Variants in CDYL observed in about 807,000 individuals in gnomAD.
CDYL encodes the protein chromodomain Y-like protein.
Under a neutral mutation model 47.3 loss-of-function variants are expected in CDYL, and 8 were observed. The ratio of observed to expected loss-of-function variants is 0.17; its 90% CI spans 0.10 to 0.31. The LOEUF (loss-of-function observed/expected upper bound fraction) is 0.31. CDYL is among the 10% of genes least tolerant of loss of function. CDYL has a pLI of 1.00. For missense variants in CDYL, 471 were observed against 701.4 expected, an observed-to-expected ratio of 0.67 and a Z score of 3.71; for synonymous variants, 266 against 265.0, an observed-to-expected ratio of 1.00 and a Z score of -0.04.
rs377026060 is a variant in CDYL at position 4,822,150 on chromosome 6, AT to A, written c.24+45353del. On this transcript the variant is annotated intron_variant, in intron 1 of 6. Transcript: ENST00000397588. ...TGCCTGGCAAATTTTTCTTTTCTTT[AT>A]TTTTTTTTTCTTTCTGTAGAGATGG... 4.7e-3 allele frequency among the ~76,000 whole-genome samples: 646 copies of A among 138,346 alleles called. 5 individuals carry two copies. The highest frequency in any genetic ancestry group is 0.017 in the African/African-American group (554 of 32,794). The allele number at this position is 138,346 out of a possible 152,430, so 90.8% of individuals were successfully genotyped here. A position where few individuals can be genotyped will look rare whatever the true frequency, so the allele number is the denominator to read the frequency against.
At chr6:4,803,898 G>T (rs1370682141) in intron 1 of CDYL, among the ~76,000 whole-genome samples, 1 of 150,856 alleles carries the variant, frequency 6.6e-6, no homozygotes, top group Non-Finnish European at 1.5e-5. Flanking sequence ...GGGTACCTTT[G>T]TCCTTATATT....
intron 3 of CDYL, among the ~76,000 whole-genome samples, chr6:4,736,882 T>C (rs1438910084): frequency 2.6e-5 from 4 of 152,220 alleles, no homozygotes; most frequent in Admixed American, 2.6e-4. Context: ...TCAAGTGCTT[T>C]GTTTATCGAT....
chr6:4,744,803 C>T (rs985376423), intron 3 of CDYL, among the ~76,000 whole-genome samples: 1 of 152,134 alleles, frequency 6.6e-6, no homozygotes, highest in Non-Finnish European at 1.5e-5. Flanking sequence ...CAACGCTAAT[C>T]TCTTAACCTC....
intron 2 of CDYL, among the ~76,000 whole-genome samples, chr6:4,717,154 G>A (rs777711127): frequency 2.7e-4 from 41 of 152,128 alleles, no homozygotes; most frequent in Non-Finnish European, 4.7e-4. Flanking sequence ...CGTGGCTGGA[G>A]CAGTGAGGGG....
intron 1 of CDYL, among the ~76,000 whole-genome samples, chr6:4,843,091 C>A (rs1159986425): frequency 6.6e-6 from 1 of 152,130 alleles, no homozygotes; most frequent in Non-Finnish European, 1.5e-5. Flanking sequence ...AAATTCTTGG[C>A]TTATAATTGT....
intron 2 of CDYL, among the ~76,000 whole-genome samples, chr6:4,930,244 C>T (rs1276714767): frequency 6.6e-6 from 1 of 152,190 alleles, no homozygotes; most frequent in Non-Finnish European, 1.5e-5. Flanking sequence ...ACTGCCCAGC[C>T]TTGTGGAATT....
At chr6:4,912,376 G>T (rs1319944661) in intron 2 of CDYL, among the ~76,000 whole-genome samples, 1 of 152,244 alleles carries the variant, frequency 6.6e-6, no homozygotes, top group East Asian at 1.9e-4. Flanking sequence ...ATCTGCACGT[G>T]GCCTGGAGGG....
chr6:4,796,230 GC>G (rs1465656829), intron 1 of CDYL, among the ~76,000 whole-genome samples: 5 of 152,084 alleles, frequency 3.3e-5, no homozygotes, highest in African/African-American at 9.7e-5. Context: ...ACTGCGCCTG[GC>G]CCACTTATTT....
At chr6:4,809,734 TTATATTA>T (rs1481510142) in intron 1 of CDYL, among the ~76,000 whole-genome samples, 1 of 124,854 alleles carries the variant, frequency 8.0e-6, no homozygotes, top group Admixed American at 8.2e-5. Flanking sequence ...GGTAGGGGTA[TTATATTA>T]GTCCTTGGCG....
At chr6:4,759,503 A>G (rs1047136411) in intron 3 of CDYL, among the ~76,000 whole-genome samples, 1 of 152,158 alleles carries the variant, frequency 6.6e-6, no homozygotes, top group Non-Finnish European at 1.5e-5. Flanking sequence ...TCAGACATTA[A>G]AATTGTTTCC....
intron 3 of CDYL, among the ~76,000 whole-genome samples, chr6:4,748,359 A>C (rs1389878525): frequency 6.6e-6 from 1 of 152,010 alleles, no homozygotes; most frequent in Non-Finnish European, 1.5e-5. Context: ...TTTCCAGGTG[A>C]AAAACATCAT....
chr6:4,953,760 A>T, intron 6 of CDYL, 138 bp from the exon 7 acceptor site: 1 of 761,584 alleles, frequency 1.3e-6, no homozygotes, highest in African/African-American at 1.7e-5. Context: ...GGCCCGACAT[A>T]TTGTGAGAAA....
chr6:4,706,551 G>T (rs1435921413), intron 1 of CDYL, among the ~76,000 whole-genome samples: 1 of 152,004 alleles, frequency 6.6e-6, no homozygotes, highest in Non-Finnish European at 1.5e-5. Flanking sequence ...CCAGCACTTT[G>T]GGAGGCCAAG....
intron 3 of CDYL, among the ~76,000 whole-genome samples, chr6:4,754,124 G>C (rs1207153416): frequency 1.3e-5 from 2 of 152,096 alleles, no homozygotes; most frequent in African/African-American, 2.4e-5. Context: ...GCAATAGAGC[G>C]AGACCCTGTC....
At chr6:4,875,672 G>A (rs1372958366) in intron 1 of CDYL, among the ~76,000 whole-genome samples, 3 of 152,174 alleles carry the variant, frequency 2.0e-5, no homozygotes, top group South Asian at 2.1e-4. Context: ...GGTTGGTTGT[G>A]TATTTATTTT....
At chr6:4,806,174 C>G (rs1482393517) in intron 1 of CDYL, among the ~76,000 whole-genome samples, 1 of 152,224 alleles carries the variant, frequency 6.6e-6, no homozygotes, top group East Asian at 1.9e-4. Context: ...TGCCGACCCA[C>G]CGGCTGTGCC....
At chr6:4,821,041 G>A (rs980913791) in intron 1 of CDYL, among the ~76,000 whole-genome samples, 6 of 152,100 alleles carry the variant, frequency 3.9e-5, no homozygotes, top group African/African-American at 1.4e-4. Context: ...GCTTTTGATT[G>A]TATTCATCTT....
chr6:4,952,185 T>TC (rs1428926098), intron 5 of CDYL, 81 bp from the exon 6 acceptor site: 38 of 1,495,698 alleles, frequency 2.5e-5, no homozygotes, highest in Non-Finnish European at 3.4e-5. Context: ...ATGTTTCCCT[T>TC]CGGTGTGGAT....
chr6:4,743,673 A>G (rs1053223090), intron 3 of CDYL, among the ~76,000 whole-genome samples: 3 of 152,224 alleles, frequency 2.0e-5, no homozygotes, highest in Non-Finnish European at 4.4e-5. Flanking sequence ...CCACTAAGCC[A>G]ATGACACAAT....
Sources: allele counts gnomAD v4.1 joint callset (sites outside exome capture counted in the v4.1 genomes callset), GRCh38; gene constraint gnomAD v4.1.1; transcripts MANE v1.5; gene names NCBI Gene and HGNC (gene_info 2026-07-23, HGNC 2026-07-21).